Variants in PLEK observed in about 807,000 individuals in gnomAD.
The protein encoded by PLEK is pleckstrin.
PLEK carries 25 observed loss-of-function variants against 43.9 expected under a neutral mutation model. That is an observed-to-expected ratio of 0.57 (90% confidence interval 0.41 to 0.79). PLEK has a LOEUF of 0.79. PLEK is among the 30% of genes least tolerant of loss of function. The pLI is 0.00. For synonymous variants in PLEK, 152 were observed against 144.4 expected (o/e 1.05, Z -0.38); for missense variants, 396 against 413.3 (o/e 0.96, Z 0.36).
At chr2:68,393,959 G>GA (rs1673909773) in intron 7 of PLEK, 148 bp from the exon 8 acceptor site, 89 of 592,124 alleles carry the variant, frequency 1.5e-4, no homozygotes, top group Non-Finnish European at 2.5e-4. Context: ...AGATCTGTCA[G>GA]CAGTTTTTCT....
intron 5 of PLEK, among the ~76,000 whole-genome samples, chr2:68,387,770 C>T (rs1315320592): frequency 1.4e-5 from 2 of 140,192 alleles, no homozygotes; most frequent in Non-Finnish European, 3.2e-5. Flanking sequence ...GGAAGTTCCA[C>T]AGTCTGTTTT....
At chr2:68,373,328 G>A (rs997821164) in intron 1 of PLEK, among the ~76,000 whole-genome samples, 1 of 152,060 alleles carries the variant, frequency 6.6e-6, no homozygotes, top group African/African-American at 2.4e-5. Context: ...TCTTCATTGT[G>A]CATAATGACC....
In PLEK at chr2:68,392,174, CCTT is replaced by C. The variant is rs376729611; in HGVS notation, c.763-972_763-970del. ...TTCCTCCCCCTTTTCTCCTCCTCCTCCTTCTTCTTCTTCTTCTTTCTCCTCCTC... is the reference window on the plus strand; with the variant it reads ...TTCCTCCCCCTTTTCTCCTCCTCCTCCTTCTTCTTCTTCTTTCTCCTCCTC... On this transcript the variant is annotated intron_variant, in intron 6 of 8. Transcript: ENST00000234313. Among the ~76,000 whole-genome samples, 655 of 149,446 alleles carry C rather than the reference CCTT, an allele frequency of 4.4e-3. 3 individuals are homozygous for C. Among genetic ancestry groups the C allele is most frequent in the African/African-American group, 0.015 (595 of 40,002 alleles).
chr2:68,392,814 G>A (rs1188784891), intron 6 of PLEK, among the ~76,000 whole-genome samples: 1 of 152,126 alleles, frequency 6.6e-6, no homozygotes, highest in Non-Finnish European at 1.5e-5. Flanking sequence ...TTTCAACATA[G>A]GTCATAAACT....
intron 1 of PLEK, among the ~76,000 whole-genome samples, chr2:68,368,342 C>T (rs1673323818): frequency 6.6e-6 from 1 of 152,230 alleles, no homozygotes; most frequent in Non-Finnish European, 1.5e-5. Flanking sequence ...ATCCTAACCA[C>T]CCTATGTGAT....
intron 6 of PLEK, among the ~76,000 whole-genome samples, chr2:68,390,077 T>C (rs1297049247): frequency 6.6e-6 from 1 of 152,122 alleles, no homozygotes; most frequent in Non-Finnish European, 1.5e-5. Flanking sequence ...TGGAGCCACG[T>C]CTCAGTGAAG....
chr2:68,385,351 T>C (rs1373518612), intron 4 of PLEK, among the ~76,000 whole-genome samples: 1 of 152,206 alleles, frequency 6.6e-6, no homozygotes, highest in Non-Finnish European at 1.5e-5. Flanking sequence ...CTCTTTGCAA[T>C]CATCTCTTGA....
chr2:68,393,058 CTT>C, intron 6 of PLEK, 102 bp from the exon 7 acceptor site: 1 of 790,652 alleles, frequency 1.3e-6, no homozygotes, highest in Admixed American at 1.8e-5. Flanking sequence ...TTCATTTTCT[CTT>C]TCTTTTCTCA....
At chr2:68,375,696 T>C (rs1673488717) in intron 1 of PLEK, among the ~76,000 whole-genome samples, 1 of 152,258 alleles carries the variant, frequency 6.6e-6, no homozygotes, top group South Asian at 2.1e-4. Flanking sequence ...GACCTTTATA[T>C]AGAGGCCCTT....
At chr2:68,390,166 G>A (rs138975812) in intron 6 of PLEK, among the ~76,000 whole-genome samples, 15 of 152,178 alleles carry the variant, frequency 9.9e-5, no homozygotes, top group African/African-American at 3.4e-4. Context: ...AGACAATAGG[G>A]ACAAGGATTG....
At chr2:68,382,693 C>T (rs1320216153) in intron 4 of PLEK, 60 bp downstream of exon 4, 57 of 942,744 alleles carry the variant, frequency 6.0e-5, no homozygotes, top group East Asian at 3.1e-4. Flanking sequence ...AGTCCTCCTT[C>T]GGCCTCGTCT....
chr2:68,381,980 G>C (rs969601627), intron 3 of PLEK, among the ~76,000 whole-genome samples: 1 of 152,142 alleles, frequency 6.6e-6, no homozygotes, highest in Admixed American at 6.5e-5. Flanking sequence ...AGCTTCTCTC[G>C]TAAGGCTATC....
chr2:68,393,069 C>A, intron 6 of PLEK, 93 bp from the exon 7 acceptor site: 1 of 818,012 alleles, frequency 1.2e-6, no homozygotes, highest in Non-Finnish European at 2.1e-6. Context: ...TTTCTTTTCT[C>A]AATTCAGCAA....
chr2:68,388,149 A>G, intron 5 of PLEK: 1 of 428,134 alleles, frequency 2.3e-6, no homozygotes, highest in East Asian at 3.4e-5. Flanking sequence ...GAATAAAAGG[A>G]TATTGACAAG....
intron 1 of PLEK, among the ~76,000 whole-genome samples, chr2:68,366,762 G>A (rs942190185): frequency 2.0e-5 from 3 of 152,196 alleles, no homozygotes; most frequent in African/African-American, 7.2e-5. Context: ...TAATTGGCGA[G>A]ACCTGGTAAT....
At chr2:68,378,939 C>T (rs1286375363) in intron 1 of PLEK, among the ~76,000 whole-genome samples, 2 of 151,932 alleles carry the variant, frequency 1.3e-5, no homozygotes, top group African/African-American at 4.8e-5. Flanking sequence ...ACCAGCCTGG[C>T]CAACACGGTG....
rs11338240 is a variant in PLEK at position 68,367,253 on chromosome 2, CTT to C, written c.42+1871_42+1872del. On this transcript the variant is annotated intron_variant, in intron 1 of 8. Coordinates refer to ENST00000234313, the MANE Select transcript of PLEK (RefSeq NM_002664.3). ...CTCTGATATAATGCATTAAGATTCT[CTT>C]TTTTTTTTTTATTCTTCTAAAACTT... Among the ~76,000 whole-genome samples, 1,404 of 149,672 alleles carry C rather than the reference CTT, an allele frequency of 9.4e-3. 6 individuals are homozygous for C. The highest frequency in any genetic ancestry group is 0.011 in the Non-Finnish European group (726 of 67,290).
At chr2:68,383,413 C>G (rs62143912) in intron 4 of PLEK, among the ~76,000 whole-genome samples, 1 of 151,890 alleles carries the variant, frequency 6.6e-6, no homozygotes, top group Non-Finnish European at 1.5e-5. Context: ...CAAATTTGAC[C>G]CTGAAAGATG....
chr2:68,372,022 T>C (rs34267077), intron 1 of PLEK, among the ~76,000 whole-genome samples: 121,468 of 151,984 alleles, frequency 0.8, 49,287 homozygotes, highest in African/African-American at 0.93. Context: ...TATTATTTGC[T>C]CATTTAAAAA....
Sources: gnomAD v4.1 joint callset for allele counts (sites outside exome capture counted in the v4.1 genomes callset) on GRCh38, gnomAD v4.1.1 for gene constraint, MANE v1.5 for transcripts, NCBI Gene and HGNC (gene_info 2026-07-23, HGNC 2026-07-21) for gene names.